NAV1: variants seen among roughly 807,000 people sequenced by gnomAD.
The protein encoded by NAV1 is neuron navigator 1.
NAV1 carries 18 observed loss-of-function variants against 175.2 expected under a neutral mutation model. The observed-to-expected ratio is 0.10, with a 90% CI of 0.07 to 0.15. The LOEUF (loss-of-function observed/expected upper bound fraction) is 0.15, where lower values mean the gene tolerates loss of function less well. Among genes scored for constraint, NAV1 ranks in the 10% least tolerant of loss-of-function variants. NAV1 has a pLI of 1.00. For synonymous variants in NAV1, 897 were observed against 978.7 expected (o/e 0.92, Z 1.56); for missense variants, 1,731 against 2,436.6 (o/e 0.71, Z 6.10).
intron 1 of NAV1, among the ~76,000 whole-genome samples, chr1:201,570,723 A>T (rs1437883185): frequency 6.6e-6 from 1 of 152,216 alleles, no homozygotes; most frequent in African/African-American, 2.4e-5. Flanking sequence ...TTCTGCTCAG[A>T]AGAGGCACCA....
chr1:201,607,820 G>T (rs114283200), intron 2 of NAV1, among the ~76,000 whole-genome samples: 21,037 of 150,764 alleles, frequency 0.14, 1,955 homozygotes, highest in Non-Finnish European at 0.2. Context: ...AAGTAAAAAT[G>T]CTTAATATAT....
At chr1:201,672,524 C>T (rs1022188280) in intron 1 of NAV1, among the ~76,000 whole-genome samples, 2 of 152,178 alleles carry the variant, frequency 1.3e-5, no homozygotes, top group Non-Finnish European at 2.9e-5. Flanking sequence ...GTTCAGTGAA[C>T]CCACACAGCC....
At position 201,626,744 on chromosome 1, in the gene NAV1, G is replaced by A. The variant is rs1439642004; in HGVS notation, c.-100-2660G>A. On this transcript the variant is annotated intron_variant, in intron 1 of 29. Coordinates refer to the NAV1 transcript ENST00000367302. ...CCTGCATTGGGTGGGCCTTGGGTTG[G>A]ACTTCAATTGGAACTATGGTTAATG... is the stretch of plus-strand genomic sequence containing the variant. Among the ~76,000 whole-genome samples the A allele has an allele frequency of 2.0e-5, 3 of 152,314 alleles. No homozygotes were observed. In the East Asian group the frequency reaches 5.8e-4, roughly 29 times the overall value.
intron 1 of NAV1, among the ~76,000 whole-genome samples, chr1:201,540,877 A>G (rs1557988726): frequency 6.6e-6 from 1 of 152,204 alleles, no homozygotes; most frequent in Non-Finnish European, 1.5e-5. Flanking sequence ...TCACTTCTGT[A>G]AAGTGGAGCC....
rs1650796042 is a variant in NAV1, at chr1:201,813,126, A to G, written c.5222-14A>G. ...GGTTCCCAGCCATCTTCATGGCCCC[A>G]TCCTCTTCCCTAGGCCCTTGCTTCT... On this transcript the variant is annotated splice_polypyrimidine_tract_variant and intron_variant, in intron 27 of 29. Coordinates refer to ENST00000367296, the Ensembl canonical transcript of NAV1. This position sits in a 1 kb window ranked among gnomAD's most constrained non-coding sequence, Gnocchi z 4.2. The G allele has an allele frequency of 6.3e-7, 1 of 1,597,590 alleles. No individual in the cohort carries two copies. Among genetic ancestry groups the G allele is most frequent in the Non-Finnish European group, 8.6e-7 (1 of 1,165,472 alleles).
intron 2 of NAV1, among the ~76,000 whole-genome samples, chr1:201,638,800 A>G (rs566256791): frequency 1.8e-4 from 27 of 152,342 alleles, no homozygotes; most frequent in African/African-American, 6.5e-4. Flanking sequence ...TGAACATTAC[A>G]TGTCTAAGAG....
intron 2 of NAV1, among the ~76,000 whole-genome samples, chr1:201,595,592 G>T (rs540943449): frequency 6.6e-6 from 1 of 152,364 alleles, no homozygotes; most frequent in South Asian, 2.1e-4. Flanking sequence ...GGCAGGGACT[G>T]GGGGCATAGT....
At chr1:201,645,102 G>T (rs549493495), upstream of NAV1, among the ~76,000 whole-genome samples, 1 of 152,122 alleles carries the variant, frequency 6.6e-6, no homozygotes, top group South Asian at 2.1e-4. Context: ...ACATGCACAC[G>T]TATGTTTATA....
intron 25 of NAV1, 34 bp from the exon 30 acceptor site, chr1:201,811,869 T>C (rs1001465551): frequency 8.1e-6 from 13 of 1,613,380 alleles, no homozygotes; most frequent in Non-Finnish European, 1.1e-5. Context: ...TGAAGGCAAG[T>C]CTAAGTGAAT....
At chr1:201,596,490 T>A (rs907429769) in intron 2 of NAV1, among the ~76,000 whole-genome samples, 5 of 152,246 alleles carry the variant, frequency 3.3e-5, no homozygotes, top group African/African-American at 1.2e-4. Context: ...GCTCATGGGC[T>A]GGACTTTCAA....
intron 1 of NAV1, among the ~76,000 whole-genome samples, chr1:201,668,423 T>C (rs1399700319): frequency 1.3e-5 from 2 of 152,182 alleles, no homozygotes; most frequent in East Asian, 1.9e-4. Context: ...CCGTGTGCCA[T>C]GGACTGGGGC....
At chr1:201,645,424 A>G, upstream of NAV1, among the ~76,000 whole-genome samples, 1 of 126,766 alleles carries the variant, frequency 7.9e-6, no homozygotes, top group Non-Finnish European at 1.7e-5. Context: ...GGGGGGAGGG[A>G]TAGCATTAGG....
exon 4 of NAV1, chr1:201,780,435 G>T: frequency 6.2e-7 from 1 of 1,614,202 alleles, no homozygotes; most frequent in South Asian, 1.1e-5. Flanking sequence ...GATGAAAGCA[G>T]CTCCATCAGT....
At chr1:201,806,078 G>A (rs1267734136) in intron 17 of NAV1, among the ~76,000 whole-genome samples, 10 of 151,280 alleles carry the variant, frequency 6.6e-5, no homozygotes, top group African/African-American at 2.2e-4. Context: ...TCGGCCTCGC[G>A]GGTTCAAGCA....
chr1:201,716,286 C>T (rs918039528), intron 2 of NAV1, among the ~76,000 whole-genome samples: 2 of 152,206 alleles, frequency 1.3e-5, no homozygotes, highest in African/African-American at 4.8e-5. Flanking sequence ...ACTTACTGCA[C>T]AGGGCGCTGG....
chr1:201,716,649 T>G (rs1234945944), intron 2 of NAV1, among the ~76,000 whole-genome samples: 1 of 151,722 alleles, frequency 6.6e-6, no homozygotes, highest in Non-Finnish European at 1.5e-5. Flanking sequence ...GAGGCCGAGG[T>G]GGGAGGATTG....
At chr1:201,571,877 T>A (rs1666554363) in intron 1 of NAV1, among the ~76,000 whole-genome samples, 2 of 152,166 alleles carry the variant, frequency 1.3e-5, no homozygotes, top group African/African-American at 4.8e-5. Flanking sequence ...GCACAAACAA[T>A]TTGAGTGGGT....
At chr1:201,658,249 G>A (rs1417097695) in intron 1 of NAV1, among the ~76,000 whole-genome samples, 1 of 152,130 alleles carries the variant, frequency 6.6e-6, no homozygotes, top group Non-Finnish European at 1.5e-5. Flanking sequence ...ACTAGGTTCT[G>A]AAAGGCTGGA....
At chr1:201,816,188 A>G (rs879463870) in intron 28 of NAV1, among the ~76,000 whole-genome samples, 21 of 152,148 alleles carry the variant, frequency 1.4e-4, no homozygotes, top group Non-Finnish European at 1.3e-4. Context: ...TCTGACCAAC[A>G]TGATGAAACC....
Sources: allele counts gnomAD v4.1 joint callset (sites outside exome capture counted in the v4.1 genomes callset), GRCh38; gene constraint gnomAD v4.1.1; non-coding constraint Gnocchi (gnomAD v3.1); transcripts MANE v1.5; gene names NCBI Gene and HGNC (gene_info 2026-07-23, HGNC 2026-07-21).